Variants in DHDDS observed in about 807,000 individuals in gnomAD.
DHDDS encodes dehydrodolichyl diphosphate synthase complex subunit DHDDS.
DHDDS carries 16 observed loss-of-function variants against 46.2 expected under a neutral mutation model. The observed-to-expected ratio is 0.35, with a 90% CI of 0.23 to 0.53. DHDDS has a LOEUF of 0.53. Ranked by LOEUF, DHDDS falls within the 20% of genes least tolerant of loss-of-function variation. The probability of loss-of-function intolerance (pLI) is 0.94; values close to 1 mark genes in which losing one functional copy is unlikely to be tolerated. For synonymous variants in DHDDS, 151 were observed against 163.1 expected (o/e 0.93, Z 0.56); for missense variants, 340 against 423.7 (o/e 0.80, Z 1.73).
At position 26,439,875 on chromosome 1, in the gene DHDDS, T is replaced by C. The variant is rs550296995; in HGVS notation, c.180+1591T>C. Among the ~76,000 whole-genome samples the C allele has an allele frequency of 4.6e-5, 7 of 152,290 alleles. No individual in the cohort carries two copies. The South Asian group carries it at 1.5e-3, about 32-fold the overall frequency. On this transcript the variant is annotated intron_variant, in intron 3 of 8. Transcript: ENST00000236342. ...AGAATGGAGGGCCGGGCGCGGTGGC[T>C]TACGCCTGTAATCCCAGCACTTTGG...
At chr1:26,436,785 C>T (rs1289193451) in intron 2 of DHDDS, among the ~76,000 whole-genome samples, 1 of 152,152 alleles carries the variant, frequency 6.6e-6, no homozygotes, top group Non-Finnish European at 1.5e-5. Flanking sequence ...TGGAGACCAA[C>T]TAAACCAAGC....
chr1:26,449,839 G>A (rs939180540), intron 6 of DHDDS, among the ~76,000 whole-genome samples: 8 of 152,280 alleles, frequency 5.3e-5, no homozygotes, highest in South Asian at 2.1e-4. Context: ...GATTACAGGC[G>A]TGAGCCACCG....
chr1:26,434,305 A>G (rs549026807), intron 2 of DHDDS, among the ~76,000 whole-genome samples: 26 of 152,206 alleles, frequency 1.7e-4, no homozygotes, highest in Non-Finnish European at 2.8e-4. Context: ...TTTTTCAACC[A>G]CAGGCTGTCA....
At chr1:26,454,166 G>A (rs936826689) in intron 6 of DHDDS, among the ~76,000 whole-genome samples, 3 of 152,110 alleles carry the variant, frequency 2.0e-5, no homozygotes, top group Admixed American at 2.0e-4. Flanking sequence ...TGTTAGCCAG[G>A]ATGGTCTCGA....
intron 4 of DHDDS, among the ~76,000 whole-genome samples, chr1:26,443,727 G>A (rs1012881971): frequency 6.6e-6 from 1 of 152,136 alleles, no homozygotes; most frequent in Non-Finnish European, 1.5e-5. Context: ...TATTAGGATG[G>A]TGAGACTCTG....
intron 2 of DHDDS, among the ~76,000 whole-genome samples, chr1:26,436,396 CTCTGT>C (rs1324149727): frequency 2.5e-5 from 3 of 121,268 alleles, no homozygotes; most frequent in African/African-American, 8.8e-5. Context: ...TAGAGTAAGA[CTCTGT>C]TTTGTTTGTT....
chr1:26,439,153 A>T (rs1277017557), intron 3 of DHDDS, among the ~76,000 whole-genome samples: 1 of 151,646 alleles, frequency 6.6e-6, no homozygotes, highest in South Asian at 2.1e-4. Flanking sequence ...CTGGTCTCGA[A>T]CTCCTGACCT....
At chr1:26,441,010 C>T (rs866755884) in intron 3 of DHDDS, among the ~76,000 whole-genome samples, 2 of 151,928 alleles carry the variant, frequency 1.3e-5, no homozygotes, top group South Asian at 2.1e-4. Flanking sequence ...CTGCAACCTC[C>T]GCCTCCCAGG....
chr1:26,437,192 G>C lies in DHDDS; in HGVS notation c.64-976G>C, dbSNP rs1167776360. Among the ~76,000 whole-genome samples the C allele has an allele frequency of 5.9e-5, 9 of 151,888 alleles. No individual in the cohort carries two copies. The East Asian group carries it at 1.8e-3, about 30-fold the overall frequency. On this transcript the variant is annotated intron_variant, in intron 2 of 8. Transcript: ENST00000236342. ...CTCAAAAAAAAAACAGAACAAAACT[G>C]TGTGGCTTATGCAAGTCACTAGAAC...
At chr1:26,437,606 G>C (rs2075173177) in intron 2 of DHDDS, among the ~76,000 whole-genome samples, 1 of 151,934 alleles carries the variant, frequency 6.6e-6, no homozygotes, top group African/African-American at 2.4e-5. Context: ...GAGTAGAGTA[G>C]CTGGGACTAC....
At chr1:26,440,557 AAAGG>A (rs1278510409) in intron 3 of DHDDS, among the ~76,000 whole-genome samples, 4 of 152,218 alleles carry the variant, frequency 2.6e-5, no homozygotes, top group African/African-American at 9.6e-5. Flanking sequence ...GCCCTGACCT[AAAGG>A]AAGTACTCAA....
At chr1:26,448,902 G>A (rs1038268551) in intron 6 of DHDDS, among the ~76,000 whole-genome samples, 39 of 151,964 alleles carry the variant, frequency 2.6e-4, no homozygotes, top group African/African-American at 7.3e-4. Flanking sequence ...TTCCCTTCCC[G>A]ATTCGATTGA....
chr1:26,455,423 C>T, intron 6 of DHDDS, among the ~76,000 whole-genome samples: 1 of 152,146 alleles, frequency 6.6e-6, no homozygotes, highest in African/African-American at 2.4e-5. Flanking sequence ...AGAAAGCTCT[C>T]TCTGTGGTTT....
intron 2 of DHDDS, among the ~76,000 whole-genome samples, chr1:26,436,732 C>T (rs555416471): frequency 6.6e-6 from 1 of 151,988 alleles, no homozygotes; most frequent in African/African-American, 2.4e-5. Context: ...CTGAGTAAGA[C>T]CCTGTTTCAA....
At chr1:26,454,956 A>C in intron 6 of DHDDS, 1 of 1,601,838 alleles carries the variant, frequency 6.2e-7, no homozygotes, top group Non-Finnish European at 8.5e-7. Context: ...CCTTGTGTCC[A>C]GCCCCACTGC....
intron 8 of DHDDS, 126 bp from the exon 9 acceptor site, chr1:26,468,769 G>T: frequency 7.5e-7 from 1 of 1,341,794 alleles, no homozygotes; most frequent in Non-Finnish European, 1.0e-6. Context: ...TTCAAATCTG[G>T]TACCTACTTT....
Position 26,464,763 on chromosome 1 carries a change from C to A in DHDDS, c.766-4132C>A, listed in dbSNP as rs956296799. ...CTGTATGTCTGTGCTCTTGCCCCAT[C>A]ACCCAAATTCCCATTTTAAAATCTG... is the stretch of plus-strand genomic sequence containing the variant. On this transcript the variant is annotated intron_variant, in intron 8 of 8. Transcript: ENST00000236342. Among the ~76,000 whole-genome samples, 12 of 152,212 alleles carry A rather than the reference C, an allele frequency of 7.9e-5. No individual in the cohort carries two copies. The East Asian group carries it at 1.7e-3, about 22-fold the overall frequency.
Position 26,442,766 on chromosome 1 carries a change from G to A in DHDDS, c.216G>A (p.Glu72=), listed in dbSNP as rs1203852045. 1 of 1,614,108 alleles carries A rather than the reference G, an allele frequency of 6.2e-7. No individual in the cohort carries two copies. The highest frequency in any genetic ancestry group is 1.1e-5 in the South Asian group (1 of 91,060). ...LRWCLNLGIL[E]VTVYAFSIEN... ...GGTGTTTGAACCTGGGCATCCTAGAGGTGACAGTCTACGCATTCAGCATTG... is the reference window on the plus strand; with the variant it reads ...GGTGTTTGAACCTGGGCATCCTAGAAGTGACAGTCTACGCATTCAGCATTG... Residue 72 remains glutamate, a synonymous_variant, in exon 4 of 9, where the codon GAG becomes GAA. Coordinates refer to ENST00000236342, the MANE Select transcript of DHDDS (RefSeq NM_205861.3).
intron 8 of DHDDS, among the ~76,000 whole-genome samples, chr1:26,465,712 G>C (rs904663864): frequency 2.0e-5 from 3 of 152,180 alleles, no homozygotes; most frequent in Non-Finnish European, 4.4e-5. Flanking sequence ...CCACATGTGT[G>C]TCTCTTGGCC....
Sources: gnomAD v4.1 joint callset for allele counts (sites outside exome capture counted in the v4.1 genomes callset) on GRCh38, gnomAD v4.1.1 for gene constraint, MANE v1.5 for transcripts, NCBI Gene and HGNC (gene_info 2026-07-23, HGNC 2026-07-21) for gene names.